Variants in SNTG2 observed in about 807,000 individuals in gnomAD.
SNTG2 encodes syntrophin gamma 2, also known as gamma-2-syntrophin.
SNTG2 carries 74 observed loss-of-function variants against 70.9 expected under a neutral mutation model. The observed-to-expected ratio is 1.04, with a 90% confidence interval of 0.86 to 1.27. The LOEUF (loss-of-function observed/expected upper bound fraction) is 1.27, where lower values mean the gene tolerates loss of function less well. Ranked by LOEUF, SNTG2 falls within the 50% of genes most tolerant of loss-of-function variation. The pLI is 0.00. For synonymous variants in SNTG2, 278 were observed against 273.8 expected (o/e 1.02, Z -0.15); for missense variants, 717 against 690.7 (o/e 1.04, Z -0.43).
At chr2:1,057,707 T>G (rs1366051673) in intron 1 of SNTG2, among the ~76,000 whole-genome samples, 1 of 152,204 alleles carries the variant, frequency 6.6e-6, no homozygotes, top group Non-Finnish European at 1.5e-5. Flanking sequence ...ATCAGTACTT[T>G]GCATCCTTCA....
intron 11 of SNTG2, among the ~76,000 whole-genome samples, chr2:1,244,188 T>C (rs1470185533): frequency 6.6e-6 from 1 of 152,214 alleles, no homozygotes; most frequent in Non-Finnish European, 1.5e-5. Flanking sequence ...AGTATTTGTT[T>C]CGTGAATTTT....
intron 9 of SNTG2, among the ~76,000 whole-genome samples, chr2:1,234,040 A>G (rs1480866007): frequency 2.0e-5 from 3 of 152,118 alleles, no homozygotes; most frequent in Non-Finnish European, 4.4e-5. Context: ...TAGCTCCGAT[A>G]ATGACCTTGG....
intron 15 of SNTG2, among the ~76,000 whole-genome samples, chr2:1,312,110 A>G (rs1681022306): frequency 6.6e-6 from 1 of 152,168 alleles, no homozygotes; most frequent in South Asian, 2.1e-4. Context: ...GAAAGGAGGT[A>G]AGCAGGAAAA....
chr2:1,121,579 C>T (rs1385041372), intron 4 of SNTG2, among the ~76,000 whole-genome samples: 1 of 152,080 alleles, frequency 6.6e-6, no homozygotes, highest in Non-Finnish European at 1.5e-5. Flanking sequence ...ACTCACAGTT[C>T]CGCATGGCTG....
chr2:1,272,455 G>A (rs1013410694), intron 14 of SNTG2, among the ~76,000 whole-genome samples: 7 of 81,138 alleles, frequency 8.6e-5, no homozygotes, highest in Non-Finnish European at 1.4e-4. Context: ...GCCACAGACT[G>A]GTACTGGTAA....
intron 14 of SNTG2, among the ~76,000 whole-genome samples, chr2:1,295,921 G>A (rs1680189371): frequency 6.6e-6 from 1 of 151,742 alleles, no homozygotes. Flanking sequence ...TGTTGGGGTG[G>A]GAGGGTGAGG....
At chr2:1,153,843 G>A (rs1211882189) in intron 6 of SNTG2, among the ~76,000 whole-genome samples, 1 of 152,218 alleles carries the variant, frequency 6.6e-6, no homozygotes. Flanking sequence ...AAGTGCATCA[G>A]CTTGGGCACA....
At chr2:1,074,651 A>G (rs561271846) in intron 1 of SNTG2, among the ~76,000 whole-genome samples, 6 of 152,240 alleles carry the variant, frequency 3.9e-5, no homozygotes, top group Non-Finnish European at 8.8e-5. Flanking sequence ...CTTACTCTGT[A>G]TCTGACATTA....
chr2:1,309,741 C>T (rs13407734), intron 15 of SNTG2, among the ~76,000 whole-genome samples: 2,122 of 152,312 alleles, frequency 0.014, 47 homozygotes, highest in African/African-American at 0.047. Flanking sequence ...ACCATGTTTG[C>T]AATGACAATA....
At chr2:1,261,264 A>G (rs887616177) in intron 13 of SNTG2, among the ~76,000 whole-genome samples, 1 of 152,234 alleles carries the variant, frequency 6.6e-6, no homozygotes, top group South Asian at 2.1e-4. Context: ...CATAAATTTA[A>G]AAGTAAATGC....
chr2:1,021,963 A>G (rs1422768798), intron 1 of SNTG2, among the ~76,000 whole-genome samples: 6 of 129,026 alleles, frequency 4.7e-5, no homozygotes, highest in Non-Finnish European at 3.4e-5. Context: ...TTTAGTGAAA[A>G]CATAAGCTCC....
At chr2:1,067,105 AAAAT>A (rs1458356972) in intron 1 of SNTG2, among the ~76,000 whole-genome samples, 7 of 152,138 alleles carry the variant, frequency 4.6e-5, no homozygotes, top group African/African-American at 1.7e-4. Flanking sequence ...TCCATAGTCT[AAAAT>A]AAAACAGCAA....
At chr2:1,206,354 T>A (rs1475520969) in intron 8 of SNTG2, among the ~76,000 whole-genome samples, 1 of 152,156 alleles carries the variant, frequency 6.6e-6, no homozygotes, top group East Asian at 1.9e-4. Flanking sequence ...GAGAGGATGC[T>A]GGAGGCATTT....
chr2:971,185 A>G (rs922295937), intron 1 of SNTG2, among the ~76,000 whole-genome samples: 6 of 152,164 alleles, frequency 3.9e-5, no homozygotes, highest in Non-Finnish European at 8.8e-5. Context: ...TTCTTCTGCA[A>G]TGTTTTGGAA....
rs4557009 is a variant in SNTG2, at chr2:1,189,593, C to T, written c.591+16410C>T. Reference sequence around the variant, plus strand: ...TTTTTTTTTGAGATGGAGTCTCGCTCTGTTGCCCAGGCTGGAGTCCAGTGG... The same window carrying T: ...TTTTTTTTTGAGATGGAGTCTCGCTTTGTTGCCCAGGCTGGAGTCCAGTGG... On this transcript the variant is annotated intron_variant, in intron 8 of 16. Coordinates refer to ENST00000308624, the MANE Select transcript of SNTG2 (RefSeq NM_018968.4). 8.6e-3 allele frequency among the ~76,000 whole-genome samples: 1,302 copies of T among 151,554 alleles called. 14 individuals are homozygous for T. The highest frequency in any genetic ancestry group is 0.029 in the African/African-American group (1,196 of 41,228).
chr2:1,225,454 G>A (rs1044638128), intron 9 of SNTG2, among the ~76,000 whole-genome samples: 8 of 152,142 alleles, frequency 5.3e-5, no homozygotes, highest in Admixed American at 2.0e-4. Flanking sequence ...TTTGCACATC[G>A]TTGACCGGTC....
chr2:1,103,317 C>A, intron 4 of SNTG2: 1 of 241,304 alleles, frequency 4.1e-6, no homozygotes, highest in Non-Finnish European at 8.8e-6. Flanking sequence ...CATTAAATAT[C>A]AATCACAAAT....
At chr2:1,323,734 C>T (rs1017531409) in intron 16 of SNTG2, among the ~76,000 whole-genome samples, 2 of 148,332 alleles carry the variant, frequency 1.3e-5, no homozygotes, top group Admixed American at 6.7e-5. Flanking sequence ...GACCTCCCCC[C>T]ACCCAGTAGT....
intron 8 of SNTG2, among the ~76,000 whole-genome samples, chr2:1,207,627 TCA>T (rs1673723289): frequency 6.6e-6 from 1 of 152,076 alleles, no homozygotes; most frequent in African/African-American, 2.4e-5. Flanking sequence ...GAAAAATAAA[TCA>T]CACACTCTTT....
Sources: allele counts gnomAD v4.1 joint callset (sites outside exome capture counted in the v4.1 genomes callset), GRCh38; gene constraint gnomAD v4.1.1; transcripts MANE v1.5; gene names NCBI Gene and HGNC (gene_info 2026-07-23, HGNC 2026-07-21).